Variants in DLGAP2 observed in about 807,000 individuals in gnomAD.
The protein encoded by DLGAP2 is disks large-associated protein 2.
A neutral mutation model predicts 100.3 loss-of-function variants in DLGAP2; 26 were observed. The observed-to-expected ratio is 0.26, with a 90% confidence interval of 0.19 to 0.36. The LOEUF (loss-of-function observed/expected upper bound fraction) is 0.36. DLGAP2 is among the 10% of genes least tolerant of loss of function. The probability of loss-of-function intolerance (pLI) is 1.00; values close to 1 mark genes in which losing one functional copy is unlikely to be tolerated. For missense variants in DLGAP2, 1,858 were observed against 1,453.2 expected (o/e 1.28, Z -4.53); for synonymous variants, 886 against 630.1 (o/e 1.41, Z -6.08).
chr8:1,332,924 T>G (rs918257532), intron 3 of DLGAP2, among the ~76,000 whole-genome samples: 2 of 152,128 alleles, frequency 1.3e-5, no homozygotes, highest in Non-Finnish European at 2.9e-5. Flanking sequence ...TGCTGATGTT[T>G]CCTCAGAGAG....
intron 2 of DLGAP2, among the ~76,000 whole-genome samples, chr8:1,105,440 AG>A (rs1437161813): frequency 6.6e-6 from 1 of 152,142 alleles, no homozygotes; most frequent in African/African-American, 2.4e-5. Context: ...TGATGAGAAC[AG>A]TCACCCTAAC....
intron 3 of DLGAP2, among the ~76,000 whole-genome samples, chr8:1,340,043 G>A (rs764521457): frequency 4.7e-4 from 72 of 152,296 alleles, no homozygotes; most frequent in Non-Finnish European, 9.0e-4. Context: ...CTGGCAGGAC[G>A]TGTGCAGAAA....
chr8:1,021,987 G>A (rs1164364635), intron 2 of DLGAP2, among the ~76,000 whole-genome samples: 1 of 152,186 alleles, frequency 6.6e-6, no homozygotes, highest in Admixed American at 6.5e-5. Context: ...TGGCCAAGTT[G>A]CATGTGCGAA....
intron 2 of DLGAP2, among the ~76,000 whole-genome samples, chr8:972,904 C>G (rs1191476640): frequency 6.6e-6 from 1 of 152,150 alleles, no homozygotes; most frequent in African/African-American, 2.4e-5. Context: ...TGAGTGGACA[C>G]AGCAGATGTT....
intron 4 of DLGAP2, among the ~76,000 whole-genome samples, chr8:1,543,608 G>T (rs567067660): frequency 2.6e-5 from 4 of 152,196 alleles, no homozygotes; most frequent in African/African-American, 9.7e-5. Context: ...ATCCATAAGT[G>T]TGAGTCTTCC....
At chr8:1,177,073 A>T (rs949134356) in intron 2 of DLGAP2, among the ~76,000 whole-genome samples, 1 of 152,182 alleles carries the variant, frequency 6.6e-6, no homozygotes, top group African/African-American at 2.4e-5. Context: ...TCTTTGGCAT[A>T]TTATAACAAT....
At chr8:1,475,325 G>GA (rs909961759) in intron 3 of DLGAP2, among the ~76,000 whole-genome samples, 12 of 150,754 alleles carry the variant, frequency 8.0e-5, no homozygotes, top group South Asian at 4.3e-4. Flanking sequence ...CGTTAAAAAA[G>GA]AAAAAAAAGC....
In DLGAP2 at chr8:951,314, C is replaced by T. The variant is rs1309915802; in HGVS notation, c.73+43348C>T. On this transcript the variant is annotated intron_variant, in intron 2 of 14. Transcript: ENST00000637795. ...TGGCTGGAGTGCAGTGGTGTGATCT[C>T]GGCTCACTGCAAACTCTGCCTCCCA... Among the ~76,000 whole-genome samples, 8 of 151,642 alleles carry T rather than the reference C, an allele frequency of 5.3e-5. No homozygotes were observed. The East Asian group carries it at 9.8e-4, about 18-fold the overall frequency.
At chr8:1,173,387 T>G (rs1797174703) in intron 2 of DLGAP2, among the ~76,000 whole-genome samples, 2 of 152,206 alleles carry the variant, frequency 1.3e-5, no homozygotes, top group South Asian at 2.1e-4. Flanking sequence ...AGCTGTGTGC[T>G]AGGAGAACCA....
chr8:1,099,156 C>G (rs1029703494), intron 2 of DLGAP2, among the ~76,000 whole-genome samples: 3 of 152,170 alleles, frequency 2.0e-5, no homozygotes, highest in African/African-American at 2.4e-5. Flanking sequence ...TCCTGCTTTC[C>G]AAAGTGCCCA....
intron 8 of DLGAP2, among the ~76,000 whole-genome samples, chr8:1,663,196 CTG>C (rs60910397): frequency 8.3e-6 from 1 of 119,846 alleles, no homozygotes; most frequent in African/African-American, 3.2e-5. Context: ...TGGGGTATGA[CTG>C]TGTGTGTGTA....
intron 1 of DLGAP2, among the ~76,000 whole-genome samples, chr8:816,366 T>C (rs60789448): frequency 0.13 from 19,093 of 152,036 alleles, 1,379 homozygotes; most frequent in East Asian, 0.24. Context: ...ATCTCAAGGA[T>C]TTGTTTCAAG....
At chr8:848,333 CGTGTT>C in intron 1 of DLGAP2, among the ~76,000 whole-genome samples, 1 of 150,656 alleles carries the variant, frequency 6.6e-6, no homozygotes, top group Non-Finnish European at 1.5e-5. Flanking sequence ...TCGTGCGGTG[CGTGTT>C]CCAGTATAGG....
chr8:1,052,492 G>A (rs946388668), intron 2 of DLGAP2, among the ~76,000 whole-genome samples: 3 of 152,190 alleles, frequency 2.0e-5, no homozygotes, highest in African/African-American at 7.2e-5. Context: ...AGAGGAGGGA[G>A]TATCATCTTT....
At chr8:848,120 C>A (rs1268289656) in intron 1 of DLGAP2, among the ~76,000 whole-genome samples, 3 of 152,164 alleles carry the variant, frequency 2.0e-5, no homozygotes, top group Non-Finnish European at 2.9e-5. Flanking sequence ...GTTTCCTTTT[C>A]CAAAATGTGA....
intron 2 of DLGAP2, among the ~76,000 whole-genome samples, chr8:1,241,911 T>G (rs78712243): frequency 6.6e-6 from 1 of 152,228 alleles, no homozygotes; most frequent in Non-Finnish European, 1.5e-5. Context: ...ATAAATGTTC[T>G]TGAAGTTTTA....
At chr8:1,319,900 C>T (rs751664833) in intron 3 of DLGAP2, among the ~76,000 whole-genome samples, 4 of 152,114 alleles carry the variant, frequency 2.6e-5, no homozygotes, top group Non-Finnish European at 4.4e-5. Context: ...AGGGAAGAGA[C>T]GGGGACGATG....
chr8:822,554 G>T (rs7464443), intron 1 of DLGAP2, among the ~76,000 whole-genome samples: 1 of 152,228 alleles, frequency 6.6e-6, no homozygotes, highest in Non-Finnish European at 1.5e-5. Flanking sequence ...CAGAGAGTAG[G>T]AGCAGGGCCA....
intron 1 of DLGAP2, among the ~76,000 whole-genome samples, chr8:760,689 A>G (rs1423785818): frequency 6.6e-6 from 1 of 152,150 alleles, no homozygotes; most frequent in Non-Finnish European, 1.5e-5. Flanking sequence ...CTTGTGTTCT[A>G]GAAACTCACA....
Sources: gnomAD v4.1 joint callset for allele counts (sites outside exome capture counted in the v4.1 genomes callset) on GRCh38, gnomAD v4.1.1 for gene constraint, MANE v1.5 for transcripts, NCBI Gene and HGNC (gene_info 2026-07-23, HGNC 2026-07-21) for gene names.